Variants in PPP6R2 observed in about 807,000 individuals in gnomAD.
The protein encoded by PPP6R2 is protein phosphatase 6 regulatory subunit 2, also known as serine/threonine-protein phosphatase 6 regulatory subunit 2.
A neutral mutation model predicts 100.2 loss-of-function variants in PPP6R2; 62 were observed. The ratio of observed to expected loss-of-function variants is 0.62; its 90% CI spans 0.50 to 0.76. The LOEUF (loss-of-function observed/expected upper bound fraction) is 0.76. Among genes scored for constraint, PPP6R2 ranks in the 30% least tolerant of loss-of-function variants. The probability of loss-of-function intolerance (pLI) is 0.00; values close to 1 mark genes in which losing one functional copy is unlikely to be tolerated. For synonymous variants in PPP6R2, 525 were observed against 514.7 expected (o/e 1.02, Z -0.27); for missense variants, 1,142 against 1,276.3 (o/e 0.89, Z 1.60).
intron 3 of PPP6R2, among the ~76,000 whole-genome samples, chr22:50,395,214 G>A (rs1443579694): frequency 1.3e-5 from 2 of 152,172 alleles, no homozygotes; most frequent in Non-Finnish European, 2.9e-5. Context: ...ATTGTCATTC[G>A]TGGTACCGTC....
chr22:50,418,484 C>G (rs1404999416), intron 6 of PPP6R2, among the ~76,000 whole-genome samples: 1 of 151,838 alleles, frequency 6.6e-6, no homozygotes. Context: ...CTCCCAGGTT[C>G]AAGCCATTCT....
chr22:50,392,992 A>G (rs2055960771), intron 2 of PPP6R2, among the ~76,000 whole-genome samples: 1 of 152,226 alleles, frequency 6.6e-6, no homozygotes, highest in African/African-American at 2.4e-5. Context: ...TTGTAATCTC[A>G]CAGTAAAGTT....
At chr22:50,374,172 C>T (rs2050929749) in intron 2 of PPP6R2, among the ~76,000 whole-genome samples, 1 of 152,138 alleles carries the variant, frequency 6.6e-6, no homozygotes, top group African/African-American at 2.4e-5. Context: ...GTGTGAGTTA[C>T]CACGCTTGGC....
intron 5 of PPP6R2, among the ~76,000 whole-genome samples, chr22:50,415,195 G>T (rs1190070524): frequency 6.6e-6 from 1 of 152,236 alleles, no homozygotes; most frequent in Admixed American, 6.5e-5. Flanking sequence ...ATGCCCCCCA[G>T]ATAAGCCCAG....
the PPP6R2 span, among the ~76,000 whole-genome samples, chr22:50,335,264 C>T: frequency 1.1e-3 from 157 of 145,880 alleles, no homozygotes; most frequent in Non-Finnish European, 2.1e-3. Context: ...GGGTTTTCAC[C>T]GTGTTAGCCA....
chr22:50,373,240 CTTTTT>C (rs530254249), intron 2 of PPP6R2, among the ~76,000 whole-genome samples: 1 of 126,436 alleles, frequency 7.9e-6, no homozygotes. Context: ...TAATTTCTTT[CTTTTT>C]TTTTTTTTTT....
intron 4 of PPP6R2, among the ~76,000 whole-genome samples, chr22:50,408,676 T>C (rs1170286501): frequency 6.6e-6 from 1 of 152,218 alleles, no homozygotes; most frequent in Non-Finnish European, 1.5e-5. Flanking sequence ...GATGCATGTA[T>C]CTCATAATTT....
intron 1 of PPP6R2, among the ~76,000 whole-genome samples, chr22:50,353,272 C>A (rs904064395): frequency 6.6e-6 from 1 of 152,044 alleles, no homozygotes; most frequent in African/African-American, 2.4e-5. Context: ...AGCTTTTGAT[C>A]GAAATGAGAG....
At chr22:50,334,319 C>T in the PPP6R2 span, among the ~76,000 whole-genome samples, 12 of 152,262 alleles carry the variant, frequency 7.9e-5, no homozygotes, top group Non-Finnish European at 1.3e-4. Context: ...CCTGTCCGGG[C>T]GTGACAGAGG....
rs572996651 is a variant in PPP6R2, at chr22:50,419,897, G to A, written c.845+435G>A. 2.0e-5 allele frequency among the ~76,000 whole-genome samples: 3 copies of A among 152,200 alleles called. No homozygotes were observed. In the East Asian group the frequency reaches 5.8e-4, roughly 29 times the overall value. ...ACAGGGCAGGGGTGTGACACTCACCGCTGTCTCCCGTGCCCTGTGCACCCA... is the reference window on the plus strand; with the variant it reads ...ACAGGGCAGGGGTGTGACACTCACCACTGTCTCCCGTGCCCTGTGCACCCA... On this transcript the variant is annotated intron_variant, in intron 8 of 23. Transcript: ENST00000612753.
At chr22:50,371,604 A>G (rs2050224286) in intron 1 of PPP6R2, among the ~76,000 whole-genome samples, 1 of 152,112 alleles carries the variant, frequency 6.6e-6, no homozygotes, top group Non-Finnish European at 1.5e-5. Context: ...AGGGACAGAT[A>G]ATAAATGCTG....
intron 1 of PPP6R2, among the ~76,000 whole-genome samples, chr22:50,370,571 G>A (rs1000915910): frequency 2.6e-5 from 4 of 152,050 alleles, no homozygotes; most frequent in South Asian, 4.1e-4. Flanking sequence ...ACAGGCGTGA[G>A]CCACCACGCC....
Position 50,438,308 on chromosome 22 carries a change from C to A in PPP6R2, c.1964+10C>A. The A allele has an allele frequency of 6.2e-7, 1 of 1,607,748 alleles. No homozygotes were observed. Among genetic ancestry groups the A allele is most frequent in the Non-Finnish European group, 8.5e-7 (1 of 1,177,262 alleles). ...TGATGGCCAGACCCAGGTGCGGGGCCTGCCCATCCCCACAAAGCCTCTGCC... is the reference window on the plus strand; with the variant it reads ...TGATGGCCAGACCCAGGTGCGGGGCATGCCCATCCCCACAAAGCCTCTGCC... On this transcript the variant is annotated intron_variant, in intron 18 of 23. Transcript: ENST00000612753.
At chr22:50,404,253 C>T (rs2058495982) in intron 3 of PPP6R2, among the ~76,000 whole-genome samples, 1 of 151,976 alleles carries the variant, frequency 6.6e-6, no homozygotes, top group African/African-American at 2.4e-5. Flanking sequence ...CACCACCACA[C>T]CTGGCTAATT....
intron 6 of PPP6R2, among the ~76,000 whole-genome samples, chr22:50,418,125 AT>A (rs1165569797): frequency 1.3e-5 from 2 of 152,206 alleles, no homozygotes; most frequent in Non-Finnish European, 2.9e-5. Flanking sequence ...CATTTAAAAT[AT>A]AGTATCAGTA....
chr22:50,334,287 G>A, the PPP6R2 span, among the ~76,000 whole-genome samples: 1 of 152,260 alleles, frequency 6.6e-6, no homozygotes, highest in Non-Finnish European at 1.5e-5. Context: ...GTTACCGCTA[G>A]ACCAAGGAGT....
chr22:50,350,821 G>T (rs1344528404), intron 1 of PPP6R2, among the ~76,000 whole-genome samples: 1 of 147,800 alleles, frequency 6.8e-6, no homozygotes, highest in East Asian at 2.1e-4. Context: ...CTCCAGCCTG[G>T]GCGACAGAGC....
chr22:50,377,938 C>T (rs911508059), intron 2 of PPP6R2, among the ~76,000 whole-genome samples: 3 of 151,948 alleles, frequency 2.0e-5, no homozygotes, highest in East Asian at 3.9e-4. Flanking sequence ...CCCCAGAAGG[C>T]GGAGGTTGCA....
At chr22:50,392,518 G>C (rs986986261) in intron 2 of PPP6R2, among the ~76,000 whole-genome samples, 1 of 152,162 alleles carries the variant, frequency 6.6e-6, no homozygotes, top group African/African-American at 2.4e-5. Context: ...TGTATAGATC[G>C]GAGGCTGCAG....
Sources: gnomAD v4.1 joint callset for allele counts (sites outside exome capture counted in the v4.1 genomes callset) on GRCh38, gnomAD v4.1.1 for gene constraint, MANE v1.5 for transcripts, NCBI Gene and HGNC (gene_info 2026-07-23, HGNC 2026-07-21) for gene names.